Variants in FGGY observed in about 807,000 individuals in gnomAD.
FGGY encodes FGGY carbohydrate kinase domain containing, also known as FGGY carbohydrate kinase domain-containing protein.
A neutral mutation model predicts 71.3 loss-of-function variants in FGGY; 72 were observed. That is an observed-to-expected ratio of 1.01 (90% CI 0.84 to 1.23). The LOEUF (loss-of-function observed/expected upper bound fraction) is 1.23, where lower values mean the gene tolerates loss of function less well. Among genes scored for constraint, FGGY ranks in the 50% most tolerant of loss-of-function variants. The pLI is 0.00. For missense variants in FGGY, 668 were observed against 682.3 expected, an observed-to-expected ratio of 0.98 and a Z score of 0.23; for synonymous variants, 251 against 250.3, an observed-to-expected ratio of 1.00 and a Z score of -0.02.
intron 11 of FGGY, among the ~76,000 whole-genome samples, chr1:59,659,989 G>GT (rs919445659): frequency 3.3e-5 from 5 of 152,136 alleles, no homozygotes; most frequent in African/African-American, 1.2e-4. Context: ...TATTTGTTTT[G>GT]TTTTTGTTTA....
At chr1:59,566,806 T>TGAAA (rs2095879606) in intron 8 of FGGY, among the ~76,000 whole-genome samples, 1 of 129,166 alleles carries the variant, frequency 7.7e-6, no homozygotes, top group Non-Finnish European at 1.5e-5. Flanking sequence ...TTACATACCA[T>TGAAA]GAAATTTATC....
chr1:59,366,071 G>C (rs1221366948), intron 4 of FGGY, among the ~76,000 whole-genome samples: 3 of 152,162 alleles, frequency 2.0e-5, no homozygotes. Context: ...AGTCAGCTTT[G>C]CTGAGTATGA....
intron 14 of FGGY, among the ~76,000 whole-genome samples, chr1:59,692,128 G>T (rs997492463): frequency 4.6e-5 from 7 of 152,166 alleles, no homozygotes; most frequent in Admixed American, 6.5e-5. Context: ...TGGGTTAAGT[G>T]CTATAAAGGA....
chr1:59,604,022 G>A (rs1264491792), intron 8 of FGGY, among the ~76,000 whole-genome samples: 1 of 152,194 alleles, frequency 6.6e-6, no homozygotes, highest in African/African-American at 2.4e-5. Flanking sequence ...GAATTTTTAA[G>A]TGATTTAATA....
chr1:59,447,627 C>G (rs1472087798), intron 5 of FGGY, among the ~76,000 whole-genome samples: 2 of 152,106 alleles, frequency 1.3e-5, no homozygotes, highest in Non-Finnish European at 2.9e-5. Flanking sequence ...TGTTTCTCCT[C>G]CTGCTGTTCT....
At chr1:59,434,710 G>A (rs182180668) in intron 5 of FGGY, among the ~76,000 whole-genome samples, 94 of 152,230 alleles carry the variant, frequency 6.2e-4, no homozygotes, top group African/African-American at 2.1e-3. Context: ...CTCAAAAGAC[G>A]GGAGGAGTAA....
intron 7 of FGGY, among the ~76,000 whole-genome samples, chr1:59,533,135 G>A (rs191471801): frequency 1.2e-3 from 178 of 152,304 alleles, no homozygotes; most frequent in African/African-American, 4.1e-3. Flanking sequence ...GTGGGCGCAG[G>A]ACAGTGGGTG....
At position 59,691,394 on chromosome 1, in the gene FGGY, T is replaced by C. The variant is rs1199641552; in HGVS notation, c.1512+17261T>C. On this transcript the variant is annotated intron_variant, in intron 14 of 15. Transcript: ENST00000303721. ...GGCACGGAGGGGTGTCAGCTCAGCC[T>C]GATAATGTACAGTGGATTGGGGAAG... 3.9e-5 allele frequency among the ~76,000 whole-genome samples: 6 copies of C among 152,274 alleles called. No homozygotes were observed. In the East Asian group the frequency reaches 1.2e-3, roughly 29 times the overall value.
chr1:59,506,966 G>A (rs1312843504), intron 6 of FGGY, among the ~76,000 whole-genome samples: 2 of 151,958 alleles, frequency 1.3e-5, no homozygotes, highest in Non-Finnish European at 2.9e-5. Flanking sequence ...TACTTTCATT[G>A]TTGTTGTTCT....
intron 8 of FGGY, among the ~76,000 whole-genome samples, chr1:59,592,788 G>T (rs1423466995): frequency 7.1e-6 from 1 of 140,136 alleles, no homozygotes. Context: ...ACTGTTGTGG[G>T]GTGGGGGGAC....
rs892303920 is a variant in FGGY at position 59,369,316 on chromosome 1, C to G, written c.466-9433C>G. Among the ~76,000 whole-genome samples, 9 of 152,294 alleles carry G rather than the reference C, an allele frequency of 5.9e-5. No homozygotes were observed. The South Asian group carries it at 6.2e-4, about 11-fold the overall frequency. On this transcript the variant is annotated intron_variant, in intron 4 of 15. Transcript: ENST00000303721. ...CACGGAGTCTCGCTGATTGCTAGCA[C>G]AGCAGTCTGAGATCAAACTGCAAGG...
intron 15 of FGGY, among the ~76,000 whole-genome samples, chr1:59,760,250 C>T (rs1160092450): frequency 6.6e-6 from 1 of 152,152 alleles, no homozygotes; most frequent in Non-Finnish European, 1.5e-5. Context: ...CCGTGAGGTA[C>T]CACCTCACAC....
At chr1:59,466,567 C>A (rs2092642117) in intron 6 of FGGY, among the ~76,000 whole-genome samples, 1 of 152,102 alleles carries the variant, frequency 6.6e-6, no homozygotes, top group Non-Finnish European at 1.5e-5. Context: ...AGTGAACAGG[C>A]AACCTACAGA....
chr1:59,355,671 G>A (rs751037201), intron 4 of FGGY, among the ~76,000 whole-genome samples: 34 of 151,764 alleles, frequency 2.2e-4, no homozygotes, highest in Non-Finnish European at 4.6e-4. Flanking sequence ...TACTGTATCT[G>A]TGTGGCAGTA....
intron 5 of FGGY, among the ~76,000 whole-genome samples, chr1:59,390,411 AG>A (rs2060556483): frequency 6.6e-6 from 1 of 152,180 alleles, no homozygotes; most frequent in African/African-American, 2.4e-5. Flanking sequence ...TCTATTTTCA[AG>A]ATCACCTCAT....
intron 7 of FGGY, among the ~76,000 whole-genome samples, chr1:59,517,236 C>T (rs2094683464): frequency 1.3e-5 from 2 of 149,236 alleles, no homozygotes; most frequent in South Asian, 4.3e-4. Context: ...GTCTCAGGCC[C>T]TTCTCTTCTC....
At chr1:59,554,662 A>C (rs147046686) in intron 8 of FGGY, among the ~76,000 whole-genome samples, 1 of 152,318 alleles carries the variant, frequency 6.6e-6, no homozygotes, top group East Asian at 1.9e-4. Flanking sequence ...GATGATCTAT[A>C]GAATTAGCCT....
intron 9 of FGGY, among the ~76,000 whole-genome samples, chr1:59,623,161 T>C (rs911327865): frequency 6.6e-6 from 1 of 152,196 alleles, no homozygotes; most frequent in Non-Finnish European, 1.5e-5. Flanking sequence ...CAACCTGTGA[T>C]CTTTGTCTGC....
chr1:59,547,774 A>G (rs2095549213), intron 7 of FGGY, among the ~76,000 whole-genome samples: 1 of 152,140 alleles, frequency 6.6e-6, no homozygotes, highest in Admixed American at 6.5e-5. Flanking sequence ...CTCAAAACCA[A>G]TCAATATTTT....
Sources: allele counts gnomAD v4.1 joint callset (sites outside exome capture counted in the v4.1 genomes callset), GRCh38; gene constraint gnomAD v4.1.1; transcripts MANE v1.5; gene names NCBI Gene and HGNC (gene_info 2026-07-23, HGNC 2026-07-21).